XKR4: variants seen among roughly 807,000 people sequenced by gnomAD.
XKR4 encodes XK-related protein 4.
In XKR4, 12 loss-of-function variants were observed where a neutral mutation model predicts 53.9. The observed-to-expected ratio is 0.22, with a 90% CI of 0.14 to 0.36. The LOEUF is 0.36. XKR4 is among the 10% of genes least tolerant of loss of function. The pLI is 1.00. For missense variants in XKR4, 799 were observed against 859.5 expected (o/e 0.93, Z 0.88); for synonymous variants, 354 against 362.4 (o/e 0.98, Z 0.26).
chr8:55,482,108 G>C (rs909756079), intron 2 of XKR4, among the ~76,000 whole-genome samples: 4 of 152,096 alleles, frequency 2.6e-5, no homozygotes, highest in African/African-American at 9.7e-5. Flanking sequence ...TATGTTTATT[G>C]CGGCACTATT....
intron 2 of XKR4, among the ~76,000 whole-genome samples, chr8:55,447,726 A>G (rs1266139064): frequency 2.0e-5 from 3 of 152,182 alleles, no homozygotes; most frequent in Non-Finnish European, 2.9e-5. Context: ...CAGGCAAGAC[A>G]TTTTTTCTTG....
intron 1 of XKR4, among the ~76,000 whole-genome samples, chr8:55,273,154 G>C (rs1250655343): frequency 1.4e-5 from 2 of 144,390 alleles, no homozygotes; most frequent in Non-Finnish European, 3.1e-5. Flanking sequence ...GTGTGTGTGT[G>C]TGTGTGTGTG....
At chr8:55,478,221 C>T (rs566581084) in intron 2 of XKR4, among the ~76,000 whole-genome samples, 3 of 152,202 alleles carry the variant, frequency 2.0e-5, no homozygotes, top group Admixed American at 6.5e-5. Flanking sequence ...ACTCTACAAA[C>T]CAGAAGAGAG....
At chr8:55,238,462 A>T (rs535669957) in intron 1 of XKR4, among the ~76,000 whole-genome samples, 1 of 152,280 alleles carries the variant, frequency 6.6e-6, no homozygotes, top group Non-Finnish European at 1.5e-5. Flanking sequence ...GAAAATCCAG[A>T]TATAATTGAC....
rs537000201 is a variant in XKR4 at position 55,452,753 on chromosome 8, G to A, written c.1007-70528G>A. 1.5e-4 allele frequency: 132 copies of A among 858,084 alleles called. 1 individual carries two copies. The highest frequency in any genetic ancestry group is 1.3e-3 in the South Asian group (97 of 76,234). The allele number at this position is 858,084 out of a possible 1,614,324, so 53.2% of individuals were successfully genotyped here. On this transcript the variant is annotated intron_variant, in intron 2 of 2. Coordinates refer to ENST00000327381, the MANE Select transcript of XKR4 (RefSeq NM_052898.2). ...TGCAGGTCTCTCTGTCCTCAAAGCC[G>A]CTCCCCGTGTCATAGCTCTCAGCCA...
intron 2 of XKR4, among the ~76,000 whole-genome samples, chr8:55,467,463 T>C (rs559135653): frequency 4.6e-5 from 7 of 151,650 alleles, no homozygotes; most frequent in African/African-American, 1.5e-4. Context: ...TCAAGGGGAG[T>C]GGATTGCACA....
intron 2 of XKR4, among the ~76,000 whole-genome samples, chr8:55,458,954 C>T (rs1189497795): frequency 6.6e-6 from 1 of 152,200 alleles, no homozygotes; most frequent in Non-Finnish European, 1.5e-5. Context: ...AGGGGGAGAC[C>T]TCACCAGCGA....
At chr8:55,383,744 G>A (rs1563337389) in intron 2 of XKR4, among the ~76,000 whole-genome samples, 1 of 152,068 alleles carries the variant, frequency 6.6e-6, no homozygotes. Context: ...ATCTGAGTCT[G>A]CTTAGAAGAT....
chr8:55,113,727 C>T (rs1270773552), intron 1 of XKR4, among the ~76,000 whole-genome samples: 1 of 152,136 alleles, frequency 6.6e-6, no homozygotes, highest in Non-Finnish European at 1.5e-5. Flanking sequence ...GTGCCCCTTC[C>T]ACCCTCCCAC....
chr8:55,367,155 G>T (rs147003008), intron 2 of XKR4, among the ~76,000 whole-genome samples: 1 of 151,886 alleles, frequency 6.6e-6, no homozygotes, highest in Non-Finnish European at 1.5e-5. Context: ...TGTGCCCACC[G>T]TTCTACATGT....
At chr8:55,127,462 A>T (rs1048816049) in intron 1 of XKR4, among the ~76,000 whole-genome samples, 1 of 151,896 alleles carries the variant, frequency 6.6e-6, no homozygotes, top group Admixed American at 6.6e-5. Flanking sequence ...CATGTTGGCC[A>T]GGCTGGTCTC....
chr8:55,450,698 C>T (rs1805424861), intron 2 of XKR4: 4 of 583,178 alleles, frequency 6.9e-6, no homozygotes, highest in South Asian at 1.6e-5. Flanking sequence ...TGGGCTCCCC[C>T]GTGGCTGAAG....
rs1804134270 is a variant in XKR4 at position 55,375,642 on chromosome 8, G to A, written c.1006+17765G>A. Among the ~76,000 whole-genome samples, 3 of 151,906 alleles carry A rather than the reference G, an allele frequency of 2.0e-5. No homozygotes were observed. The South Asian group carries it at 6.3e-4, about 32-fold the overall frequency. The stretch of plus-strand genomic sequence containing the variant: ...CTCTGTCCACTCACCTATATTTTTA[G>A]CACAGAATACTTTTAGCCTTGACAT... On this transcript the variant is annotated intron_variant, in intron 2 of 2. Transcript: ENST00000327381.
Position 55,539,183 on chromosome 8 carries a change from A to G in XKR4, c.*14956A>G, listed in dbSNP as rs1807069655. 6.6e-6 allele frequency: 1 copy of G among 152,254 alleles called. No individual in the cohort carries two copies. The allele number at this position is 152,254 out of a possible 1,614,324, so 9.4% of individuals were successfully genotyped here. A position where few individuals can be genotyped will look rare whatever the true frequency, so the allele number is the denominator to read the frequency against. On this transcript the variant is annotated 3_prime_UTR_variant, in exon 3 of 3. Coordinates refer to ENST00000327381, the MANE Select transcript of XKR4 (RefSeq NM_052898.2). ...TTTATAAATATTTGTAATTTTTGAG[A>G]CATAGAGGCAATATCATGATATAGG...
At chr8:55,184,653 A>T (rs576677643) in intron 1 of XKR4, among the ~76,000 whole-genome samples, 2 of 152,304 alleles carry the variant, frequency 1.3e-5, no homozygotes, top group East Asian at 3.9e-4. Flanking sequence ...TCTCTGTGCC[A>T]CGCTGGGTTT....
chr8:55,446,846 C>T (rs948585081), intron 2 of XKR4, among the ~76,000 whole-genome samples: 1 of 152,168 alleles, frequency 6.6e-6, no homozygotes, highest in African/African-American at 2.4e-5. Flanking sequence ...GGTCAATGGA[C>T]GTTTGCAGAG....
chr8:55,180,580 T>C (rs1280397647), intron 1 of XKR4, among the ~76,000 whole-genome samples: 2 of 152,214 alleles, frequency 1.3e-5, no homozygotes, highest in Non-Finnish European at 2.9e-5. Flanking sequence ...TCACCCAGGC[T>C]GGAGTGCAAT....
intron 1 of XKR4, among the ~76,000 whole-genome samples, chr8:55,222,470 C>G (rs1585948981): frequency 6.6e-6 from 1 of 152,222 alleles, no homozygotes; most frequent in Admixed American, 6.5e-5. Context: ...GCCACAGTCT[C>G]CTTAGTGAGG....
rs554024244 is a variant in XKR4, at chr8:55,528,469, A to AT, written c.*4248dup. On this transcript the variant is annotated 3_prime_UTR_variant, in exon 3 of 3. Transcript: ENST00000327381. ...ACAATGTTTAGACAAGAATCCAGAG[A>AT]TTTTTTCTAATGAACCATTTTCTAG... The AT allele has an allele frequency of 3.3e-5, 5 of 152,162 alleles. No individual in the cohort carries two copies. Among genetic ancestry groups the AT allele is most frequent in the African/African-American group, 7.2e-5 (3 of 41,442 alleles). The allele number at this position is 152,162 out of a possible 1,614,324, so 9.4% of individuals were successfully genotyped here.
Sources: allele counts gnomAD v4.1 joint callset (sites outside exome capture counted in the v4.1 genomes callset), GRCh38; gene constraint gnomAD v4.1.1; transcripts MANE v1.5; gene names NCBI Gene and HGNC (gene_info 2026-07-23, HGNC 2026-07-21).